Variants in BLNK observed in about 807,000 individuals in gnomAD.
The protein encoded by BLNK is B cell linker, also known as B-cell linker protein.
A neutral mutation model predicts 73.5 loss-of-function variants in BLNK; 29 were observed. That is an observed-to-expected ratio of 0.39 (90% CI 0.29 to 0.54). The LOEUF is 0.54. Ranked by LOEUF, BLNK falls within the 20% of genes least tolerant of loss-of-function variation. The pLI is 0.61. For missense variants in BLNK, 460 were observed against 562.8 expected (o/e 0.82, Z 1.85); for synonymous variants, 176 against 200.8 (o/e 0.88, Z 1.04).
chr10:96,224,337 A>C (rs1251760722), intron 5 of BLNK, among the ~76,000 whole-genome samples: 1 of 152,228 alleles, frequency 6.6e-6, no homozygotes, highest in Non-Finnish European at 1.5e-5. Context: ...CCTGGCTTTT[A>C]AAAATGCCAA....
At chr10:96,241,165 C>T (rs995185550) in intron 3 of BLNK, among the ~76,000 whole-genome samples, 4 of 152,194 alleles carry the variant, frequency 2.6e-5, no homozygotes, top group Non-Finnish European at 4.4e-5. Context: ...TTAGGAGGAA[C>T]TGCACTATCT....
intron 1 of BLNK, among the ~76,000 whole-genome samples, chr10:96,268,119 G>A (rs782521996): frequency 5.9e-5 from 9 of 152,130 alleles, no homozygotes; most frequent in Non-Finnish European, 1.2e-4. Flanking sequence ...GACCACACTT[G>A]TGTCAAAGAC....
rs1292676687 is a variant in BLNK at position 96,203,169 on chromosome 10, G to T, written c.934+888C>A. ...GAACAATGCCTGGCACACGGCATAT[G>T]GTCACTAACAACTGAATGAATGACT... On this transcript the variant is annotated intron_variant, in intron 13 of 16. Coordinates refer to ENST00000224337, the MANE Select transcript of BLNK (RefSeq NM_013314.4). 1.3e-5 allele frequency among the ~76,000 whole-genome samples: 2 copies of T among 152,086 alleles called. 1 individual carries two copies. Among genetic ancestry groups the T allele is most frequent in the Middle Eastern group, 6.3e-3 (2 of 316 alleles).
Position 96,191,657 on chromosome 10 carries a change from T to C in BLNK, c.*316A>G, listed in dbSNP as rs2133907017. ...TTAAATTTCCAGCCACTTTGTTTTA[T>C]GCAAGAGCATTATTTTCTTATTTTG... On this transcript the variant is annotated 3_prime_UTR_variant, in exon 17 of 17. Transcript: ENST00000224337. 4.3e-6 allele frequency: 1 copy of C among 233,740 alleles called. No homozygotes were observed. The highest frequency in any genetic ancestry group is 6.0e-5 in the South Asian group (1 of 16,668). The allele number at this position is 233,740 out of a possible 1,614,324, so 14.5% of individuals were successfully genotyped here. A position where few individuals can be genotyped will look rare whatever the true frequency, so the allele number is the denominator to read the frequency against.
At chr10:96,234,400 T>C (rs1243614108) in intron 3 of BLNK, among the ~76,000 whole-genome samples, 1 of 152,042 alleles carries the variant, frequency 6.6e-6, no homozygotes, top group African/African-American at 2.4e-5. Flanking sequence ...AGCATGGGAG[T>C]CCGAGGTATT....
rs372703203 is a variant in BLNK, at chr10:96,271,423, C to T, written c.-25G>A. The T allele has an allele frequency of 2.4e-5, 38 of 1,613,090 alleles. No homozygotes were observed. Among genetic ancestry groups the T allele is most frequent in the Admixed American group, 8.3e-5 (5 of 59,990 alleles). ...TTCTGTTTGGTAATTGTAAGAGACA[C>T]GAATAACTGTCCAGTGGTCACGTCA... On this transcript the variant is annotated 5_prime_UTR_variant, in exon 1 of 17. It adds an upstream start codon to the 5' untranslated region. Transcript: ENST00000224337.
At chr10:96,230,758 C>G (rs1842467726) in intron 4 of BLNK, 36 bp downstream of exon 4, 6 of 1,598,386 alleles carry the variant, frequency 3.8e-6, no homozygotes, top group Non-Finnish European at 5.1e-6. Context: ...CCCATGGGAC[C>G]CTGATGCCCT....
intron 5 of BLNK, 105 bp from the exon 6 acceptor site, chr10:96,224,094 A>T (rs2084264867): frequency 7.5e-7 from 1 of 1,326,472 alleles, no homozygotes; most frequent in South Asian, 1.2e-5. Context: ...GTGTCTATGT[A>T]GCCACAAATG....
At chr10:96,256,198 C>T (rs1375680417) in intron 1 of BLNK, among the ~76,000 whole-genome samples, 1 of 152,058 alleles carries the variant, frequency 6.6e-6, no homozygotes, top group Non-Finnish European at 1.5e-5. Flanking sequence ...CTTGGGTATC[C>T]TTAGAACATC....
intron 10 of BLNK, among the ~76,000 whole-genome samples, chr10:96,207,481 G>C (rs2083846469): frequency 1.3e-5 from 2 of 152,232 alleles, no homozygotes; most frequent in Admixed American, 6.5e-5. Flanking sequence ...TAGTGTTGTG[G>C]CCCAGGTTCA....
intron 9 of BLNK, 131 bp from the exon 10 acceptor site, chr10:96,208,030 C>T: frequency 1.0e-6 from 1 of 983,190 alleles, no homozygotes; most frequent in African/African-American, 1.6e-5. Context: ...ACTATCCTTG[C>T]AGGGTGGAGA....
At chr10:96,207,561 CTGTGGTGGGGAGTGG>C (rs2083849774) in intron 10 of BLNK, among the ~76,000 whole-genome samples, 1 of 152,246 alleles carries the variant, frequency 6.6e-6, no homozygotes, top group South Asian at 2.1e-4. Context: ...CTACCATTAG[CTGTGGTGGGGAGTGG>C]ACACAGACGC....
chr10:96,199,386 A>G (rs1163830538), intron 15 of BLNK: 2 of 309,144 alleles, frequency 6.5e-6, no homozygotes, highest in East Asian at 1.8e-4. Flanking sequence ...TGCCATCTTG[A>G]CTCAAATTTT....
intron 2 of BLNK, among the ~76,000 whole-genome samples, chr10:96,243,801 A>G (rs1184563109): frequency 1.3e-5 from 2 of 152,192 alleles, no homozygotes; most frequent in Non-Finnish European, 2.9e-5. Context: ...CCTTTCCACT[A>G]CTTGAAATGA....
chr10:96,241,135 C>A (rs899099145), intron 3 of BLNK, among the ~76,000 whole-genome samples: 1 of 152,206 alleles, frequency 6.6e-6, no homozygotes, highest in Non-Finnish European at 1.5e-5. Flanking sequence ...GTCAGCATTT[C>A]TCAGTGTGAT....
chr10:96,260,179 C>A (rs930918864), intron 1 of BLNK, among the ~76,000 whole-genome samples: 19 of 152,052 alleles, frequency 1.2e-4, no homozygotes, highest in Admixed American at 9.8e-4. Flanking sequence ...TTGCAAAAAC[C>A]AAAAAAGTTA....
chr10:96,232,957 C>T (rs1291030960), intron 3 of BLNK, among the ~76,000 whole-genome samples: 2 of 151,944 alleles, frequency 1.3e-5, no homozygotes, highest in African/African-American at 4.8e-5. Context: ...TGGCACGTGC[C>T]ACCATGCCCA....
intron 16 of BLNK, among the ~76,000 whole-genome samples, 182 bp from the exon 17 acceptor site, chr10:96,192,274 C>T (rs1024773265): frequency 6.6e-6 from 1 of 152,132 alleles, no homozygotes; most frequent in Non-Finnish European, 1.5e-5. Context: ...TTGGACTTTG[C>T]TGTATTAAGT....
Position 96,191,892 on chromosome 10 carries a change from T to G in BLNK, c.*81A>C, listed in dbSNP as rs2083335117. 25 of 1,564,186 alleles carry G rather than the reference T, an allele frequency of 1.6e-5. 1 individual carries two copies. The South Asian group carries it at 2.2e-4, about 14-fold the overall frequency. On this transcript the variant is annotated 3_prime_UTR_variant, in exon 17 of 17. Coordinates refer to ENST00000224337, the MANE Select transcript of BLNK (RefSeq NM_013314.4). Reference sequence around the variant, plus strand: ...ACTGGATGATTCATAATCCAAAATATGAAGTTTTGGGACTTTTTCTCAAAA... The same window carrying G: ...ACTGGATGATTCATAATCCAAAATAGGAAGTTTTGGGACTTTTTCTCAAAA...
Sources: gnomAD v4.1 joint callset for allele counts (sites outside exome capture counted in the v4.1 genomes callset) on GRCh38, gnomAD v4.1.1 for gene constraint, MANE v1.5 for transcripts, NCBI Gene and HGNC (gene_info 2026-07-23, HGNC 2026-07-21) for gene names.